Variants in BIN1 observed in about 807,000 individuals in gnomAD.
BIN1 encodes the protein myc box-dependent-interacting protein 1.
In BIN1, 53 loss-of-function variants were observed where a neutral mutation model predicts 82.0. The observed-to-expected ratio is 0.65, with a 90% CI of 0.52 to 0.81. The LOEUF (loss-of-function observed/expected upper bound fraction) is 0.81. BIN1 is among the 40% of genes least tolerant of loss of function. The pLI, the probability that BIN1 is intolerant of heterozygous loss-of-function variation, is 0.00. For missense variants in BIN1, 642 were observed against 784.4 expected (o/e 0.82, Z 2.17); for synonymous variants, 302 against 328.0 (o/e 0.92, Z 0.86).
intron 1 of BIN1, among the ~76,000 whole-genome samples, chr2:127,087,342 C>T (rs536436289): frequency 2.6e-5 from 4 of 152,330 alleles, no homozygotes; most frequent in South Asian, 4.1e-4. Context: ...CCCCAGAGAA[C>T]GAGTGTCCAG....
intron 1 of BIN1, among the ~76,000 whole-genome samples, chr2:127,102,159 C>T (rs1295589000): frequency 1.3e-5 from 2 of 152,182 alleles, no homozygotes; most frequent in African/African-American, 2.4e-5. Flanking sequence ...AGCCTGTGCA[C>T]GCCTGTGCAT....
In BIN1 at chr2:127,090,214, C is replaced by T. The variant is rs1231086973; in HGVS notation, c.85-13508G>A. 2.6e-5 allele frequency among the ~76,000 whole-genome samples: 4 copies of T among 152,168 alleles called. No homozygotes were observed. Among genetic ancestry groups the T allele is most frequent in the African/African-American group, 9.7e-5 (4 of 41,428 alleles). ...GGGCCCCTTTGGGAAAAGGGTAAAC[C>T]GACAAGAGGCCCCATGGAAATCAAC... On this transcript the variant is annotated intron_variant, in intron 1 of 18. Coordinates refer to ENST00000316724, the MANE Select transcript of BIN1 (RefSeq NM_139343.3). This position sits in a 1 kb window ranked among gnomAD's most constrained non-coding sequence, Gnocchi z 6.4.
chr2:127,097,063 A>G (rs1239733664), intron 1 of BIN1, among the ~76,000 whole-genome samples: 1 of 151,546 alleles, frequency 6.6e-6, no homozygotes, highest in Non-Finnish European at 1.5e-5. Flanking sequence ...TACCGTGCCC[A>G]CTCCCCACTC....
rs575177873 is a variant in BIN1, at chr2:127,059,784, G to C, written c.858-629C>G. Among the ~76,000 whole-genome samples the C allele has an allele frequency of 9.9e-5, 15 of 152,280 alleles. No individual in the cohort carries two copies. Among genetic ancestry groups the C allele is most frequent in the Non-Finnish European group, 2.1e-4 (14 of 68,012 alleles). ...TGGCGATGGAGGGGACAGGTCCTGAGCCATGGCGTTCAGTGCCAGAACCCA... is the reference window on the plus strand; with the variant it reads ...TGGCGATGGAGGGGACAGGTCCTGACCCATGGCGTTCAGTGCCAGAACCCA... On this transcript the variant is annotated intron_variant, in intron 10 of 18. Coordinates refer to ENST00000316724, the MANE Select transcript of BIN1 (RefSeq NM_139343.3). This position sits in a 1 kb window ranked among gnomAD's most constrained non-coding sequence, Gnocchi z 6.7.
chr2:127,096,363 A>G (rs181930144), intron 1 of BIN1, among the ~76,000 whole-genome samples: 3 of 152,286 alleles, frequency 2.0e-5, no homozygotes, highest in Non-Finnish European at 4.4e-5. Context: ...GAAAGCCAGA[A>G]TGACGCCCGT....
chr2:127,050,423 G>A lies in BIN1; in HGVS notation c.1672C>T (p.Gln558Ter). The change falls in exon 18 of 19, where the codon CAG becomes TAG. Residue 558 changes from glutamine (Q) to a stop codon, truncating the protein, a stop_gained and splice_region_variant. Transcript: ENST00000316724. LOFTEE classifies it high-confidence loss of function. ...LVIPFQNPEEQDEGWLMGVKE... is the reference protein window; with the variant it reads ...LVIPFQNPEE ...TGGCGGCCCCACCCAGCCCTCACCTGCTCTTCAGGGTTCTGGAAGGGGATC... is the reference window on the plus strand; with the variant it reads ...TGGCGGCCCCACCCAGCCCTCACCTACTCTTCAGGGTTCTGGAAGGGGATC... 6.2e-7 allele frequency: 1 copy of A among 1,614,160 alleles called. No individual in the cohort carries two copies.
intron 14 of BIN1, chr2:127,052,983 C>T: frequency 3.4e-6 from 1 of 293,618 alleles, no homozygotes; most frequent in South Asian, 3.7e-5. Flanking sequence ...TCTCTCAAAC[C>T]ATCCATTCCT....
At position 127,106,976 on chromosome 2, in the gene BIN1, G is replaced by A. The variant is rs780778372; in HGVS notation, c.-33C>T. 1 of 1,594,098 alleles carries A rather than the reference G, an allele frequency of 6.3e-7. No individual in the cohort carries two copies. ...CAGGCCTCGCCCGGTGGCAGGGGCC[G>A]CTCTCGCGCGGGGAGATCTTGCGCG... is the stretch of plus-strand genomic sequence containing the variant. On this transcript the variant is annotated 5_prime_UTR_variant, in exon 1 of 19. Transcript: ENST00000316724.
At position 127,048,279 on chromosome 2, in the gene BIN1, C is replaced by G; in HGVS notation, c.*247G>C. The G allele has an allele frequency of 2.0e-6, 1 of 501,884 alleles. No individual in the cohort carries two copies. Among genetic ancestry groups the G allele is most frequent in the South Asian group, 2.1e-5 (1 of 48,156 alleles). 31.1% of individuals were successfully genotyped at this position (501,884 alleles called of 1,614,324 possible). On this transcript the variant is annotated 3_prime_UTR_variant, in exon 19 of 19. Transcript: ENST00000316724. ...GCACACATGCGGGCACAGGCAGGGG[C>G]GCCAGAAACTCAACTAGAGGACACA...
chr2:127,079,325 T>C (rs1187951697), intron 1 of BIN1, among the ~76,000 whole-genome samples: 2 of 152,166 alleles, frequency 1.3e-5, no homozygotes, highest in Non-Finnish European at 2.9e-5. Context: ...TCCTCAAGGA[T>C]TACAAAGATC....
At chr2:127,053,221 T>A in intron 14 of BIN1, 4 of 729,208 alleles carry the variant, frequency 5.5e-6, no homozygotes, top group Non-Finnish European at 9.5e-6. Context: ...TCCAAGGGCC[T>A]GCCAGAGGGA....
intron 2 of BIN1, among the ~76,000 whole-genome samples, chr2:127,075,697 AGCCCTCTCCCAGAATGCTCCCCG>A (rs1686496628): frequency 1.9e-5 from 2 of 104,116 alleles, no homozygotes; most frequent in South Asian, 3.4e-4. Context: ...AGCTGCTCCC[AGCCCTCTCCCAGAATGCTCCCCG>A]GCCCTCTCCC....
intron 4 of BIN1, 57 bp downstream of exon 4, chr2:127,070,496 A>G: frequency 1.3e-6 from 2 of 1,582,292 alleles, no homozygotes; most frequent in Non-Finnish European, 1.7e-6. Flanking sequence ...AGAGTGGGAC[A>G]GGAGCTGAGA....
chr2:127,066,898 C>T (rs1330785563), intron 7 of BIN1, among the ~76,000 whole-genome samples: 1 of 152,036 alleles, frequency 6.6e-6, no homozygotes, highest in African/African-American at 2.4e-5. Context: ...TAATGAGGCA[C>T]AGTCTCTACA....
chr2:127,079,058 A>G (rs983698425), intron 1 of BIN1, among the ~76,000 whole-genome samples: 3 of 152,206 alleles, frequency 2.0e-5, no homozygotes, highest in Non-Finnish European at 4.4e-5. Flanking sequence ...CTCAGCCAGC[A>G]AAAGGTCCCC....
intron 1 of BIN1, among the ~76,000 whole-genome samples, chr2:127,100,948 G>A (rs1234130098): frequency 6.8e-6 from 1 of 148,088 alleles, no homozygotes; most frequent in East Asian, 2.0e-4. Flanking sequence ...TTCAGATGAG[G>A]AAACCGGGAT....
chr2:127,083,664 A>G (rs938836082), intron 1 of BIN1, among the ~76,000 whole-genome samples: 1 of 152,214 alleles, frequency 6.6e-6, no homozygotes, highest in Non-Finnish European at 1.5e-5. Flanking sequence ...CTAGGATCCA[A>G]CTGTGGTTCA....
intron 1 of BIN1, 92 bp from the exon 2 acceptor site, chr2:127,076,798 G>C: frequency 4.2e-6 from 6 of 1,435,042 alleles, no homozygotes; most frequent in Non-Finnish European, 5.9e-6. Context: ...ACAGACCAGG[G>C]GCTGGGAAGT....
chr2:127,057,387 G>A lies in BIN1; in HGVS notation c.1131+86C>T. 5.6e-6 allele frequency: 8 copies of A among 1,426,948 alleles called. No homozygotes were observed. In the Admixed American group the frequency reaches 1.9e-4, roughly 33 times the overall value. 88.4% of individuals were successfully genotyped at this position (1,426,948 alleles called of 1,614,324 possible). A position where few individuals can be genotyped will look rare whatever the true frequency, so the allele number is the denominator to read the frequency against. ...CTCTCTGGCCAGATTCCTGGCTCTT[G>A]AGACAGAAGCATAGAGGATGAAGGC... On this transcript the variant is annotated intron_variant, in intron 12 of 18. Transcript: ENST00000316724. This position sits in a 1 kb window ranked among gnomAD's most constrained non-coding sequence, Gnocchi z 5.0.
Sources: gnomAD v4.1 joint callset for allele counts (sites outside exome capture counted in the v4.1 genomes callset) on GRCh38, gnomAD v4.1.1 for gene constraint, Gnocchi (gnomAD v3.1) non-coding constraint, MANE v1.5 for transcripts, NCBI Gene and HGNC (gene_info 2026-07-23, HGNC 2026-07-21) for gene names.